GRIK2: variants seen among roughly 807,000 people sequenced by gnomAD.
The protein encoded by GRIK2 is glutamate receptor ionotropic, kainate 2.
Under a neutral mutation model 100.3 loss-of-function variants are expected in GRIK2, and 32 were observed. That is an observed-to-expected ratio of 0.32 (90% CI 0.24 to 0.43). The LOEUF (loss-of-function observed/expected upper bound fraction) is 0.43. Ranked by LOEUF, GRIK2 falls within the 20% of genes least tolerant of loss-of-function variation. The pLI, the probability that GRIK2 is intolerant of heterozygous loss-of-function variation, is 1.00. For missense variants in GRIK2, 843 were observed against 1,114.9 expected, an observed-to-expected ratio of 0.76 and a Z score of 3.47; for synonymous variants, 417 against 389.4, an observed-to-expected ratio of 1.07 and a Z score of -0.83.
intron 12 of GRIK2, among the ~76,000 whole-genome samples, chr6:101,910,059 A>T (rs1788565726): frequency 6.6e-6 from 1 of 151,154 alleles, no homozygotes; most frequent in Non-Finnish European, 1.5e-5. Context: ...TAGTATATGT[A>T]GTTATAGAAT....
At chr6:101,804,157 A>T (rs1166625242) in intron 9 of GRIK2, among the ~76,000 whole-genome samples, 1 of 151,966 alleles carries the variant, frequency 6.6e-6, no homozygotes, top group Non-Finnish European at 1.5e-5. Flanking sequence ...TAGTCAATTG[A>T]GTACTTAGAA....
At position 101,764,152 on chromosome 6, in the gene GRIK2, C is replaced by A. The variant is rs114552543; in HGVS notation, c.952-35496C>A. Among the ~76,000 whole-genome samples, 628 of 152,242 alleles carry A rather than the reference C, an allele frequency of 4.1e-3. 4 individuals are homozygous for A. The highest frequency in any genetic ancestry group is 0.015 in the African/African-American group (605 of 41,536). ...ATATGTCAGAGAATCTCAGGGCTAT[C>A]TTCTCTCAATTTACCTTTATTCCTG... On this transcript the variant is annotated intron_variant, in intron 7 of 16. Transcript: ENST00000369134.
intron 2 of GRIK2, 135 bp downstream of exon 2, chr6:101,399,527 T>C (rs1339851056): frequency 1.1e-5 from 7 of 635,886 alleles, no homozygotes; most frequent in Non-Finnish European, 2.0e-5. Flanking sequence ...CCTGGGGCTT[T>C]TAAAGAACTC....
intron 14 of GRIK2, among the ~76,000 whole-genome samples, chr6:102,027,086 A>G (rs1341848315): frequency 5.3e-5 from 8 of 151,334 alleles, no homozygotes; most frequent in Non-Finnish European, 7.4e-5. Context: ...AGACCTTGCT[A>G]TGAGCATTAG....
At chr6:101,591,600 GA>G (rs1398102604) in intron 2 of GRIK2, among the ~76,000 whole-genome samples, 2 of 151,644 alleles carry the variant, frequency 1.3e-5, no homozygotes, top group Non-Finnish European at 2.9e-5. Context: ...ATTTTGATAA[GA>G]ACAGTATATA....
intron 11 of GRIK2, among the ~76,000 whole-genome samples, chr6:101,859,859 G>C (rs1481358376): frequency 1.3e-5 from 2 of 152,114 alleles, no homozygotes; most frequent in South Asian, 2.1e-4. Flanking sequence ...TAAACAGAGA[G>C]GGAGAAATGA....
chr6:101,675,713 T>C (rs1770785053), intron 4 of GRIK2, among the ~76,000 whole-genome samples: 1 of 152,196 alleles, frequency 6.6e-6, no homozygotes, highest in Non-Finnish European at 1.5e-5. Context: ...TAATGTGATA[T>C]ATTTTTAATT....
intron 11 of GRIK2, among the ~76,000 whole-genome samples, chr6:101,888,557 C>T (rs1346763544): frequency 6.6e-6 from 1 of 152,086 alleles, no homozygotes; most frequent in Admixed American, 6.6e-5. Context: ...TCCGTAGCCC[C>T]TCTCAAAGAT....
At chr6:101,758,439 G>A (rs565031713) in intron 7 of GRIK2, among the ~76,000 whole-genome samples, 2 of 152,162 alleles carry the variant, frequency 1.3e-5, no homozygotes, top group Non-Finnish European at 2.9e-5. Flanking sequence ...AGCATATGTG[G>A]ATTATTAAGT....
At chr6:102,009,941 G>A (rs1268557060) in intron 14 of GRIK2, among the ~76,000 whole-genome samples, 1 of 152,072 alleles carries the variant, frequency 6.6e-6, no homozygotes, top group African/African-American at 2.4e-5. Flanking sequence ...ATGTATTTAT[G>A]CTTTTAATGC....
At chr6:101,793,074 C>T (rs2128409375) in intron 7 of GRIK2, among the ~76,000 whole-genome samples, 1 of 152,300 alleles carries the variant, frequency 6.6e-6, no homozygotes. Flanking sequence ...CCTTTAAGCA[C>T]TTCTCTGTAT....
intron 7 of GRIK2, among the ~76,000 whole-genome samples, chr6:101,720,224 A>C (rs1233690122): frequency 6.6e-6 from 1 of 151,794 alleles, no homozygotes; most frequent in African/African-American, 2.4e-5. Flanking sequence ...CCCAGCCCAC[A>C]CTGTCAGAAA....
intron 14 of GRIK2, among the ~76,000 whole-genome samples, chr6:101,991,357 G>A (rs1447656236): frequency 6.7e-6 from 1 of 149,860 alleles, no homozygotes; most frequent in Non-Finnish European, 1.5e-5. Context: ...AAGTTGGAAT[G>A]TCTGACTCCA....
At chr6:101,600,442 G>A (rs1779156522) in intron 2 of GRIK2, among the ~76,000 whole-genome samples, 1 of 151,660 alleles carries the variant, frequency 6.6e-6, no homozygotes, top group South Asian at 2.1e-4. Context: ...TAAAAAAATG[G>A]CATTGGTAGT....
intron 7 of GRIK2, among the ~76,000 whole-genome samples, chr6:101,752,715 TAA>T (rs1351277403): frequency 6.6e-6 from 1 of 152,108 alleles, no homozygotes; most frequent in Non-Finnish European, 1.5e-5. Context: ...AAAACAAACA[TAA>T]GAGTCTCAGA....
At chr6:102,066,190 G>A (rs1772008257) in intron 16 of GRIK2, among the ~76,000 whole-genome samples, 1 of 151,204 alleles carries the variant, frequency 6.6e-6, no homozygotes, top group East Asian at 1.9e-4. Context: ...ATTTTATTAG[G>A]CAAAATTAAT....
intron 7 of GRIK2, among the ~76,000 whole-genome samples, chr6:101,744,426 G>A (rs9498679): frequency 0.15 from 22,126 of 148,580 alleles, 1,922 homozygotes; most frequent in South Asian, 0.23. Context: ...CCAATTCCAC[G>A]ATTCCATCCA....
chr6:101,587,252 A>C (rs1003307905), intron 2 of GRIK2, among the ~76,000 whole-genome samples: 4 of 152,160 alleles, frequency 2.6e-5, no homozygotes, highest in Non-Finnish European at 5.9e-5. Context: ...ACAATTGGAC[A>C]GAACTATGCC....
At chr6:101,528,102 A>T (rs1202258896) in intron 2 of GRIK2, among the ~76,000 whole-genome samples, 1 of 152,142 alleles carries the variant, frequency 6.6e-6, no homozygotes, top group African/African-American at 2.4e-5. Flanking sequence ...GTGTATAATC[A>T]TAGAGTTCTT....
Sources: allele counts gnomAD v4.1 joint callset (sites outside exome capture counted in the v4.1 genomes callset), GRCh38; gene constraint gnomAD v4.1.1; transcripts MANE v1.5; gene names NCBI Gene and HGNC (gene_info 2026-07-23, HGNC 2026-07-21).